Variants in NEK11 observed in about 807,000 individuals in gnomAD.
The protein encoded by NEK11 is NIMA related kinase 11.
In NEK11, 72 loss-of-function variants were observed where a neutral mutation model predicts 80.7. The observed-to-expected ratio is 0.89, with a 90% CI of 0.74 to 1.08. NEK11 has a LOEUF of 1.08. Ranked by LOEUF, NEK11 falls within the 50% of genes least tolerant of loss-of-function variation. NEK11 has a pLI of 0.00. For synonymous variants in NEK11, 251 were observed against 260.7 expected (o/e 0.96, Z 0.36); for missense variants, 764 against 763.6 (o/e 1.00, Z -0.01).
At chr3:131,181,733 G>A (rs371454371) in intron 14 of NEK11, among the ~76,000 whole-genome samples, 4 of 115,038 alleles carry the variant, frequency 3.5e-5, no homozygotes, top group African/African-American at 1.1e-4. Context: ...GCGACAGAGC[G>A]AGACTCCGCC....
chr3:131,172,229 A>G (rs2092737216), intron 14 of NEK11, among the ~76,000 whole-genome samples: 2 of 152,232 alleles, frequency 1.3e-5, no homozygotes. Context: ...AGAGCATAGC[A>G]GCTGGGATCC....
chr3:131,075,861 A>G (rs2074265103), intron 3 of NEK11, among the ~76,000 whole-genome samples: 1 of 152,198 alleles, frequency 6.6e-6, no homozygotes, highest in Non-Finnish European at 1.5e-5. Context: ...AGGATTTGTT[A>G]CAGAACACAG....
At chr3:131,254,144 A>G (rs996764158) in intron 16 of NEK11, among the ~76,000 whole-genome samples, 2 of 152,178 alleles carry the variant, frequency 1.3e-5, no homozygotes, top group African/African-American at 4.8e-5. Context: ...AAATCTCTAT[A>G]AGACATAAAC....
intron 17 of NEK11, among the ~76,000 whole-genome samples, chr3:131,287,271 C>G (rs184812487): frequency 3.9e-5 from 6 of 152,060 alleles, no homozygotes; most frequent in East Asian, 3.9e-4. Context: ...AAAGATGTTT[C>G]TTTGTTTGTT....
intron 5 of NEK11, among the ~76,000 whole-genome samples, chr3:131,128,318 T>TTCCC (rs2083732789): frequency 6.6e-6 from 1 of 152,206 alleles, no homozygotes; most frequent in African/African-American, 2.4e-5. Context: ...TTACTCATTC[T>TTCCC]TCCCTCCCTC....
rs1327582867 is a variant in NEK11, at chr3:131,273,560, G to A, written c.1704G>A (p.Met568Ile). ...ACAGTGTGATGGCCAGGACCAAGAT[G>A]AAACGCATGAGGGAGTAAGTAGCAT... ...IFNSVMARTK[M>I]KRMRESAMQK... Residue 568 changes from methionine (M) to isoleucine (I), a missense_variant, in exon 17 of 18, where the codon ATG becomes ATA. By Grantham distance (10) the Met-to-Ile change is conservative. Transcript: ENST00000383366. 3 of 1,613,532 alleles carry A rather than the reference G, an allele frequency of 1.9e-6. No homozygotes were observed. The highest frequency in any genetic ancestry group is 1.7e-5 in the Admixed American group (1 of 59,988).
intron 1 of NEK11, 30 bp from the exon 2 acceptor site, chr3:131,027,900 T>G (rs1301101349): frequency 6.6e-6 from 1 of 152,190 alleles, no homozygotes; most frequent in Non-Finnish European, 1.5e-5. Context: ...TCTCATTCTG[T>G]CCGTCCCTAA....
intron 14 of NEK11, among the ~76,000 whole-genome samples, chr3:131,183,498 A>G (rs1163043616): frequency 1.3e-5 from 2 of 152,018 alleles, no homozygotes; most frequent in South Asian, 2.1e-4. Context: ...ATGTGTTCTC[A>G]TTGCTCAGCT....
chr3:131,334,085 C>T (rs556746779), intron 17 of NEK11, among the ~76,000 whole-genome samples: 1 of 152,132 alleles, frequency 6.6e-6, no homozygotes, highest in African/African-American at 2.4e-5. Context: ...CAAGGATATC[C>T]AGGAATTGAA....
intron 7 of NEK11, among the ~76,000 whole-genome samples, chr3:131,141,034 G>C (rs1466465300): frequency 2.0e-5 from 3 of 152,000 alleles, no homozygotes; most frequent in African/African-American, 7.3e-5. Context: ...TTAGTAACTT[G>C]AAAACAACCA....
At chr3:131,192,860 G>A (rs558573287) in intron 14 of NEK11, among the ~76,000 whole-genome samples, 1 of 152,262 alleles carries the variant, frequency 6.6e-6, no homozygotes, top group East Asian at 1.9e-4. Flanking sequence ...GACAGGGATG[G>A]TGGTGATGGT....
intron 10 of NEK11, among the ~76,000 whole-genome samples, chr3:131,156,394 T>C (rs1319284775): frequency 6.6e-6 from 1 of 152,182 alleles, no homozygotes; most frequent in East Asian, 1.9e-4. Flanking sequence ...TTCTATAGTA[T>C]TGGGTCCTAA....
At chr3:131,297,451 A>G (rs1340514140) in intron 17 of NEK11, among the ~76,000 whole-genome samples, 1 of 151,868 alleles carries the variant, frequency 6.6e-6, no homozygotes, top group African/African-American at 2.4e-5. Flanking sequence ...TTGGCTGCAT[A>G]AATGTCTTCT....
intron 14 of NEK11, chr3:131,174,910 C>T: frequency 6.9e-7 from 1 of 1,459,156 alleles, no homozygotes. Flanking sequence ...TGGCTGCTTA[C>T]CCACATCCTG....
At chr3:131,032,251 C>T (rs181593795) in intron 3 of NEK11, among the ~76,000 whole-genome samples, 3 of 152,246 alleles carry the variant, frequency 2.0e-5, no homozygotes, top group Middle Eastern at 3.4e-3. Flanking sequence ...CGTGAGCCAT[C>T]GCGCCTGGCC....
At chr3:131,162,550 A>G (rs779706709) in intron 11 of NEK11, 23 bp downstream of exon 11, 4 of 1,613,194 alleles carry the variant, frequency 2.5e-6, no homozygotes, top group Non-Finnish European at 3.4e-6. Flanking sequence ...TCCTTTAGGC[A>G]CTCATGCTCG....
chr3:131,257,097 C>T (rs764878974), intron 16 of NEK11, among the ~76,000 whole-genome samples: 2 of 151,992 alleles, frequency 1.3e-5, no homozygotes, highest in South Asian at 2.1e-4. Flanking sequence ...GTAATCCTCC[C>T]GCTTCAGCCT....
chr3:131,182,750 G>A (rs948312438), intron 14 of NEK11, among the ~76,000 whole-genome samples: 1 of 152,086 alleles, frequency 6.6e-6, no homozygotes, highest in African/African-American at 2.4e-5. Context: ...ATGCATTGGC[G>A]CCTGGGCATT....
chr3:131,164,517 T>C (rs2092008742), intron 11 of NEK11, among the ~76,000 whole-genome samples: 1 of 152,178 alleles, frequency 6.6e-6, no homozygotes, highest in South Asian at 2.1e-4. Context: ...TTCGTGTCAT[T>C]GGCTGGGGGT....
Sources: allele counts gnomAD v4.1 joint callset (sites outside exome capture counted in the v4.1 genomes callset), GRCh38; gene constraint gnomAD v4.1.1; transcripts MANE v1.5; gene names NCBI Gene and HGNC (gene_info 2026-07-23, HGNC 2026-07-21).